Variants in TLE1 observed in about 807,000 individuals in gnomAD.
TLE1 encodes the protein transducin-like enhancer protein 1.
A neutral mutation model predicts 89.8 loss-of-function variants in TLE1; 21 were observed. That is an observed-to-expected ratio of 0.23 (90% confidence interval 0.17 to 0.34). The LOEUF is 0.34. TLE1 is among the 10% of genes least tolerant of loss of function. The pLI is 1.00. For synonymous variants in TLE1, 447 were observed against 407.6 expected (o/e 1.10, Z -1.16); for missense variants, 795 against 1,031.2 (o/e 0.77, Z 3.14).
intron 14 of TLE1, among the ~76,000 whole-genome samples, chr9:81,606,128 C>A (rs529020536): frequency 1.3e-5 from 2 of 152,264 alleles, no homozygotes; most frequent in East Asian, 3.9e-4. Context: ...ACAACAGATG[C>A]TGGAGAGGAT....
chr9:81,671,109 G>C (rs778371456), intron 4 of TLE1, among the ~76,000 whole-genome samples: 3 of 151,906 alleles, frequency 2.0e-5, no homozygotes, highest in Admixed American at 2.0e-4. Flanking sequence ...CAATGACTGC[G>C]GTGAACTGAG....
At chr9:81,666,551 C>T (rs757385433) in intron 4 of TLE1, among the ~76,000 whole-genome samples, 1 of 151,518 alleles carries the variant, frequency 6.6e-6, no homozygotes, top group South Asian at 2.1e-4. Flanking sequence ...CCGAGGCAGG[C>T]GGATTATGAG....
rs181868605 is a variant in TLE1 at position 81,626,710 on chromosome 9, G to A, written c.595-6153C>T. Among the ~76,000 whole-genome samples the A allele has an allele frequency of 4.6e-5, 7 of 152,232 alleles. No individual in the cohort carries two copies. The East Asian group carries it at 1.2e-3, about 25-fold the overall frequency. The stretch of plus-strand genomic sequence containing the variant: ...ATCCAGGTGGGTGACTCAGTTAGGA[G>A]GACTCATGGAAAGATAGCTGTGCAG... On this transcript the variant is annotated intron_variant, in intron 8 of 19. Transcript: ENST00000376499.
In TLE1 at chr9:81,679,009, G is replaced by A. The variant is rs114502158; in HGVS notation, c.234+6667C>T. Among the ~76,000 whole-genome samples the A allele has an allele frequency of 3.2e-3, 493 of 152,146 alleles. 5 individuals carry two copies. Among genetic ancestry groups the A allele is most frequent in the African/African-American group, 0.011 (449 of 41,518 alleles). On this transcript the variant is annotated intron_variant, in intron 4 of 19. Coordinates refer to ENST00000376499, the MANE Select transcript of TLE1 (RefSeq NM_005077.5). ...ATAATTTAAAAAAAATTAACCAGGC[G>A]TGGTGATGCACGCCTGTAATCCCAG...
intron 6 of TLE1, among the ~76,000 whole-genome samples, chr9:81,649,589 TTTC>T (rs1310785061): frequency 6.6e-5 from 10 of 152,330 alleles, no homozygotes; most frequent in African/African-American, 2.4e-4. Flanking sequence ...TAAATTACTA[TTTC>T]TTTTCTTAGC....
chr9:81,638,630 ACTT>A (rs916585457), intron 6 of TLE1, among the ~76,000 whole-genome samples: 1 of 151,802 alleles, frequency 6.6e-6, no homozygotes, highest in African/African-American at 2.4e-5. Flanking sequence ...ATTTATGCAC[ACTT>A]TTCTTTTTTT....
intron 14 of TLE1, among the ~76,000 whole-genome samples, chr9:81,606,651 A>C (rs1466121904): frequency 5.9e-5 from 9 of 152,146 alleles, no homozygotes; most frequent in Admixed American, 3.9e-4. Context: ...GGGGAGGGAT[A>C]GCATTAGGAG....
chr9:81,675,749 G>A (rs896222446), intron 4 of TLE1, among the ~76,000 whole-genome samples: 3 of 140,552 alleles, frequency 2.1e-5, no homozygotes, highest in African/African-American at 8.4e-5. Flanking sequence ...TCGCCAGGCT[G>A]GAGTGCAGTG....
chr9:81,647,989 T>G (rs991603706), intron 6 of TLE1, among the ~76,000 whole-genome samples: 1 of 152,136 alleles, frequency 6.6e-6, no homozygotes, highest in East Asian at 1.9e-4. Context: ...AGCATCTTTA[T>G]GGGCAGGCAC....
chr9:81,666,388 G>A (rs1211179080), intron 4 of TLE1, among the ~76,000 whole-genome samples: 1 of 152,044 alleles, frequency 6.6e-6, no homozygotes, highest in South Asian at 2.1e-4. Context: ...AAGAAATTAG[G>A]TAATACCACA....
chr9:81,616,663 C>G lies in TLE1; in HGVS notation c.748G>C (p.Val250Leu), dbSNP rs1375919388. The change falls in exon 10 of 20, where the codon GTG becomes CTG. Residue 250 changes from valine (V) to leucine (L), a missense_variant. Val to Leu is a conservative substitution (Grantham distance 32). Coordinates refer to ENST00000376499, the MANE Select transcript of TLE1 (RefSeq NM_005077.5). Reference sequence around the variant, plus strand: ...ATGGTTACCTCATTAGACACATCCACAACTAAGTTGTCATCGCTTTTGTCA... The same window carrying G: ...ATGGTTACCTCATTAGACACATCCAGAACTAAGTTGTCATCGCTTTTGTCA... ...DGDKSDDNLV[V>L]DVSNEDPSSP... is the part of the protein sequence containing the mutation. 6.2e-7 allele frequency: 1 copy of G among 1,614,108 alleles called. No homozygotes were observed. Among genetic ancestry groups the G allele is most frequent in the South Asian group, 1.1e-5 (1 of 91,084 alleles).
At chr9:81,674,434 A>G (rs1221358065) in intron 4 of TLE1, among the ~76,000 whole-genome samples, 1 of 152,226 alleles carries the variant, frequency 6.6e-6, no homozygotes. Context: ...GGTTCCACAC[A>G]CTGGGGTCCT....
rs149895059 is a variant in TLE1 at position 81,688,324 on chromosome 9, A to G, written c.-84T>C. The G allele has an allele frequency of 1.1e-3, 1,479 of 1,391,370 alleles. 14 individuals carry two copies. In the African/African-American group the frequency reaches 0.02, roughly 19 times the overall value. The allele number at this position is 1,391,370 out of a possible 1,614,324, so 86.2% of individuals were successfully genotyped here. A position where few individuals can be genotyped will look rare whatever the true frequency, so the allele number is the denominator to read the frequency against. ...AACTTTAATCCCGCCGAGGAAAATT[A>G]AGCCGGAAAGCCAAGCAGAAGCGGG... On this transcript the variant is annotated 5_prime_UTR_variant, in exon 1 of 20. Transcript: ENST00000376499.
intron 8 of TLE1, among the ~76,000 whole-genome samples, chr9:81,626,615 G>A (rs1373205983): frequency 6.6e-6 from 1 of 152,182 alleles, no homozygotes. Flanking sequence ...GTTTCACACA[G>A]TTTAAATGCA....
chr9:81,649,225 GA>G (rs1829242691), intron 6 of TLE1, among the ~76,000 whole-genome samples: 1 of 152,150 alleles, frequency 6.6e-6, no homozygotes, highest in Admixed American at 6.5e-5. Context: ...GCTATGGTGA[GA>G]AAGAATTAAA....
At chr9:81,676,248 C>A (rs1032335236) in intron 4 of TLE1, among the ~76,000 whole-genome samples, 4 of 152,162 alleles carry the variant, frequency 2.6e-5, no homozygotes, top group African/African-American at 9.7e-5. Context: ...AATGCCTACT[C>A]TGGATAACTC....
chr9:81,600,760 T>C (rs1830807957), intron 14 of TLE1, among the ~76,000 whole-genome samples: 1 of 152,162 alleles, frequency 6.6e-6, no homozygotes, highest in Non-Finnish European at 1.5e-5. Context: ...AGGCTGTTTC[T>C]AGAAGAGATT....
chr9:81,632,582 A>G lies in TLE1; in HGVS notation c.594+766T>C, dbSNP rs371180154. On this transcript the variant is annotated intron_variant, in intron 8 of 19. Transcript: ENST00000376499. Reference sequence around the variant, plus strand: ...GTTATCCCAGCTGAAAAGGGGCTGAATTCTCTCTATTTGCTACACAACATT... The same window carrying G: ...GTTATCCCAGCTGAAAAGGGGCTGAGTTCTCTCTATTTGCTACACAACATT... 4.6e-5 allele frequency among the ~76,000 whole-genome samples: 7 copies of G among 151,456 alleles called. No individual in the cohort carries two copies. In the East Asian group the frequency reaches 7.8e-4, roughly 17 times the overall value.
intron 9 of TLE1, among the ~76,000 whole-genome samples, chr9:81,616,991 T>C (rs762087759): frequency 5.3e-5 from 8 of 152,164 alleles, no homozygotes; most frequent in South Asian, 2.1e-4. Flanking sequence ...ACTTGGCAGA[T>C]TGTAAGAGCT....
Sources: gnomAD v4.1 joint callset for allele counts (sites outside exome capture counted in the v4.1 genomes callset) on GRCh38, gnomAD v4.1.1 for gene constraint, MANE v1.5 for transcripts, NCBI Gene and HGNC (gene_info 2026-07-23, HGNC 2026-07-21) for gene names.